The following ZCWPW1 variants were observed in gnomAD, a reference collection of about 807,000 sequenced individuals.
The protein encoded by ZCWPW1 is zinc finger CW-type PWWP domain protein 1.
Under a neutral mutation model 81.3 loss-of-function variants are expected in ZCWPW1, and 56 were observed. The observed-to-expected ratio is 0.69, with a 90% CI of 0.56 to 0.86. ZCWPW1 has a LOEUF of 0.86. Among genes scored for constraint, ZCWPW1 ranks in the 40% least tolerant of loss-of-function variants. ZCWPW1 has a pLI of 0.00. For synonymous variants in ZCWPW1, 250 were observed against 273.7 expected (o/e 0.91, Z 0.86); for missense variants, 650 against 769.8 (o/e 0.84, Z 1.84).
rs1409993617 is a variant in ZCWPW1 at position 100,420,519 on chromosome 7, GCA to G, written c.28+101_28+102del. 4.3e-6 allele frequency: 6 copies of G among 1,380,238 alleles called. No homozygotes were observed. The African/African-American group carries it at 8.6e-5, about 20-fold the overall frequency. The allele number at this position is 1,380,238 out of a possible 1,614,324, so 85.5% of individuals were successfully genotyped here. On this transcript the variant is annotated intron_variant, in intron 3 of 17. Coordinates refer to ENST00000684423, the MANE Select transcript of ZCWPW1 (RefSeq NM_001386010.1). ...CAGAGCAGTAATTTGACCTGAGTGG[GCA>G]CAGAATATAGGGACCCGTACCATCC...
chr7:100,419,320 A>C, intron 4 of ZCWPW1, 131 bp from the exon 5 acceptor site: 1 of 798,534 alleles, frequency 1.3e-6, no homozygotes, highest in Non-Finnish European at 2.0e-6. Flanking sequence ...AGCATACCTA[A>C]GGAGGCCATG....
intron 2 of ZCWPW1, among the ~76,000 whole-genome samples, chr7:100,423,035 T>C (rs1796619799): frequency 1.3e-5 from 2 of 152,212 alleles, no homozygotes; most frequent in African/African-American, 2.4e-5. Flanking sequence ...AGGGGATATA[T>C]GCCATTCTTA....
chr7:100,403,073 G>A (rs1012869436), intron 15 of ZCWPW1, among the ~76,000 whole-genome samples: 1 of 152,046 alleles, frequency 6.6e-6, no homozygotes, highest in African/African-American at 2.4e-5. Context: ...GAGGAAAGAA[G>A]AGACTTAGAA....
intron 7 of ZCWPW1, 53 bp from the exon 8 acceptor site, chr7:100,416,150 T>C: frequency 1.2e-6 from 2 of 1,609,238 alleles, no homozygotes; most frequent in African/African-American, 1.3e-5. Context: ...ACAATCTTTG[T>C]AGATAGTAAA....
intron 8 of ZCWPW1, 69 bp from the exon 9 acceptor site, chr7:100,409,613 C>A: frequency 1.8e-6 from 2 of 1,133,908 alleles, no homozygotes; most frequent in Non-Finnish European, 2.6e-6. Context: ...CAACTAAAAT[C>A]AGGATAACCC....
chr7:100,415,839 C>T (rs1194376825), intron 8 of ZCWPW1, 136 bp downstream of exon 8: 1 of 1,188,492 alleles, frequency 8.4e-7, no homozygotes, highest in Non-Finnish European at 1.2e-6. Context: ...ATTCTTTCGG[C>T]AGCATATTCT....
At chr7:100,428,235 C>T (rs1450520182) in intron 1 of ZCWPW1, among the ~76,000 whole-genome samples, 1 of 152,210 alleles carries the variant, frequency 6.6e-6, no homozygotes, top group Non-Finnish European at 1.5e-5. Flanking sequence ...ACACCTCAAC[C>T]CAGGTTTCCC....
chr7:100,407,686 C>T (rs1488478168), intron 10 of ZCWPW1, among the ~76,000 whole-genome samples: 1 of 152,168 alleles, frequency 6.6e-6, no homozygotes, highest in African/African-American at 2.4e-5. Context: ...AGTCACTGCG[C>T]TCAGCCAGCA....
chr7:100,401,951 G>A lies in ZCWPW1; in HGVS notation c.1565C>T (p.Ala522Val), dbSNP rs1320110197. ...MKRSLGRKST[A>V]PPAPRMGRKE... ...CCTTCCCATTCTGGGTGCAGGAGGA[G>A]CTGTGGATTTCCTGCCTAGAGATCT... The change falls in exon 17 of 18, where the codon GCT becomes GTT. Residue 522 changes from alanine (A) to valine (V), a missense_variant. Transcript: ENST00000684423. 6.2e-7 allele frequency: 1 copy of A among 1,614,222 alleles called. No homozygotes were observed. Among genetic ancestry groups the A allele is most frequent in the South Asian group, 1.1e-5 (1 of 91,082 alleles).
intron 17 of ZCWPW1, 67 bp from the exon 18 acceptor site, chr7:100,401,403 A>G: frequency 7.5e-7 from 1 of 1,338,988 alleles, no homozygotes; most frequent in Non-Finnish European, 1.0e-6. Context: ...TTATAAGTCA[A>G]ACTCCTAAAT....
intron 5 of ZCWPW1, among the ~76,000 whole-genome samples, chr7:100,417,987 C>A (rs915369586): frequency 6.6e-6 from 1 of 151,964 alleles, no homozygotes; most frequent in East Asian, 2.0e-4. Flanking sequence ...CAGGTTCAAG[C>A]GATTCTCGTG....
At position 100,400,978 on chromosome 7, in the gene ZCWPW1, G is replaced by C; in HGVS notation, c.*36C>G. ...AGCAACTTCTCCCTCCTGCGCCCCA[G>C]AGAAGGGAGAAAAAGAGGGAGCAGA... On this transcript the variant is annotated 3_prime_UTR_variant, in exon 18 of 18. Transcript: ENST00000684423. 6.4e-7 allele frequency: 1 copy of C among 1,558,390 alleles called. No homozygotes were observed. The highest frequency in any genetic ancestry group is 2.3e-5 in the East Asian group (1 of 44,164).
intron 1 of ZCWPW1, among the ~76,000 whole-genome samples, chr7:100,425,981 T>C (rs1797246473): frequency 6.6e-6 from 1 of 152,194 alleles, no homozygotes; most frequent in Non-Finnish European, 1.5e-5. Flanking sequence ...AGAACTGACC[T>C]AGTGAAATAA....
chr7:100,421,645 T>C (rs1427541940), intron 2 of ZCWPW1, among the ~76,000 whole-genome samples: 1 of 152,206 alleles, frequency 6.6e-6, no homozygotes, highest in Non-Finnish European at 1.5e-5. Flanking sequence ...TTGATATTCA[T>C]AGTTCATCTT....
intron 3 of ZCWPW1, 26 bp from the exon 4 acceptor site, chr7:100,419,909 T>C (rs1270687290): frequency 1.3e-6 from 2 of 1,526,794 alleles, no homozygotes; most frequent in Non-Finnish European, 1.8e-6. Context: ...TCAAGTGGAA[T>C]TTATGAAACA....
intron 8 of ZCWPW1, among the ~76,000 whole-genome samples, chr7:100,413,380 T>C (rs1211198566): frequency 6.6e-6 from 1 of 152,234 alleles, no homozygotes; most frequent in Non-Finnish European, 1.5e-5. Context: ...TACCACACTT[T>C]ACCCTACCTA....
intron 5 of ZCWPW1, among the ~76,000 whole-genome samples, chr7:100,417,961 T>C (rs780600798): frequency 2.6e-5 from 4 of 151,626 alleles, no homozygotes; most frequent in Non-Finnish European, 5.9e-5. Flanking sequence ...CTCGGCTCAC[T>C]GCAACTTCCG....
At position 100,401,026 on chromosome 7, in the gene ZCWPW1, C is replaced by G. The variant is rs1791758475; in HGVS notation, c.1938G>C (p.Leu646=). ...AGAGGAGCACCAGCTACTTCCCAAA[C>G]AGCGCCACGGGGAAGTCCTCGCCAT... ...NSDGEDFPVA[L]FGK Residue 646 remains leucine (L), a synonymous_variant, in exon 18 of 18, where the codon CTG becomes CTC. Transcript: ENST00000684423. The G allele has an allele frequency of 1.2e-6, 2 of 1,606,640 alleles. No individual in the cohort carries two copies. The highest frequency in any genetic ancestry group is 1.7e-6 in the Non-Finnish European group (2 of 1,174,966).
chr7:100,409,675 C>A, intron 8 of ZCWPW1, 131 bp from the exon 9 acceptor site: 4 of 636,074 alleles, frequency 6.3e-6, no homozygotes, highest in South Asian at 2.0e-5. Flanking sequence ...TCAACCAGCC[C>A]GATCCCTGAC....
Sources: allele counts gnomAD v4.1 joint callset (sites outside exome capture counted in the v4.1 genomes callset), GRCh38; gene constraint gnomAD v4.1.1; transcripts MANE v1.5; gene names NCBI Gene and HGNC (gene_info 2026-07-23, HGNC 2026-07-21).